Variants in MYLK observed in about 807,000 individuals in gnomAD.
MYLK encodes the protein myosin light chain kinase, smooth muscle.
In MYLK, 106 loss-of-function variants were observed where a neutral mutation model predicts 203.4. The ratio of observed to expected loss-of-function variants is 0.52; its 90% CI spans 0.45 to 0.61. MYLK has a LOEUF of 0.61. MYLK is among the 20% of genes least tolerant of loss of function. The pLI is 0.00. For missense variants in MYLK, 2,072 were observed against 2,442.3 expected (o/e 0.85, Z 3.20); for synonymous variants, 867 against 959.5 (o/e 0.90, Z 1.78).
rs545632574 is a variant in MYLK at position 123,725,850 on chromosome 3, A to G, written c.1651+94T>C. 139 of 1,527,304 alleles carry G rather than the reference A, an allele frequency of 9.1e-5. 1 individual carries two copies. In the African/African-American group the frequency reaches 1.5e-3, roughly 16 times the overall value. 94.6% of individuals were successfully genotyped at this position (1,527,304 alleles called of 1,614,324 possible). On this transcript the variant is annotated intron_variant, in intron 12 of 33. Coordinates refer to ENST00000360304, the MANE Select transcript of MYLK (RefSeq NM_053025.4). Reference sequence around the variant, plus strand: ...TCCTTCTCATACCACCAGGATGTCCAAGGCATAAATGGCTCAGAGGGATAA... The same window carrying G: ...TCCTTCTCATACCACCAGGATGTCCGAGGCATAAATGGCTCAGAGGGATAA...
intron 3 of MYLK, among the ~76,000 whole-genome samples, chr3:123,803,056 C>A (rs147023090): frequency 6.6e-6 from 1 of 152,300 alleles, no homozygotes; most frequent in East Asian, 1.9e-4. Context: ...CCTTAGCCCA[C>A]TGAAGCCCAG....
chr3:123,718,673 G>T (rs1204955926), intron 13 of MYLK, among the ~76,000 whole-genome samples: 8 of 152,098 alleles, frequency 5.3e-5, no homozygotes, highest in African/African-American at 1.7e-4. Context: ...CAGCACTAAA[G>T]ATACACCCTC....
At position 123,713,106 on chromosome 3, in the gene MYLK, T is replaced by C. The variant is rs114626423; in HGVS notation, c.1805-3213A>G. Among the ~76,000 whole-genome samples the C allele has an allele frequency of 3.6e-3, 547 of 152,152 alleles. 2 individuals are homozygous for C. The highest frequency in any genetic ancestry group is 6.1e-3 in the Non-Finnish European group (418 of 67,996). On this transcript the variant is annotated intron_variant, in intron 13 of 33. Transcript: ENST00000360304. Reference sequence around the variant, plus strand: ...GCACCCCCTCCAGGAGATGAGTGAGTGAACTTGGGGGAAACCGGCCGATCG... The same window carrying C: ...GCACCCCCTCCAGGAGATGAGTGAGCGAACTTGGGGGAAACCGGCCGATCG...
intron 4 of MYLK, among the ~76,000 whole-genome samples, chr3:123,766,206 T>C (rs1376127688): frequency 6.6e-6 from 1 of 152,240 alleles, no homozygotes; most frequent in Non-Finnish European, 1.5e-5. Context: ...TTATAATAAA[T>C]AAATCAGACC....
intron 7 of MYLK, among the ~76,000 whole-genome samples, chr3:123,737,870 G>A (rs2062732573): frequency 6.6e-6 from 1 of 152,064 alleles, no homozygotes; most frequent in South Asian, 2.1e-4. Context: ...TCTTTTCCTA[G>A]GGGAGTTCAA....
At chr3:123,699,367 C>T (rs1179429785) in intron 18 of MYLK, among the ~76,000 whole-genome samples, 1 of 152,154 alleles carries the variant, frequency 6.6e-6, no homozygotes, top group Non-Finnish European at 1.5e-5. Context: ...ATGTGAAATA[C>T]CAGCAAACAA....
intron 1 of MYLK, among the ~76,000 whole-genome samples, chr3:123,881,292 C>T (rs2033518280): frequency 6.6e-6 from 1 of 152,204 alleles, no homozygotes; most frequent in African/African-American, 2.4e-5. Flanking sequence ...CAGGCCTAAG[C>T]ATCCACATGG....
intron 2 of MYLK, among the ~76,000 whole-genome samples, chr3:123,840,031 T>TG (rs1342347957): frequency 6.6e-6 from 1 of 152,062 alleles, no homozygotes; most frequent in Non-Finnish European, 1.5e-5. Flanking sequence ...ATGTCAAATT[T>TG]GGGGGGATGC....
chr3:123,724,988 AC>A (rs557815046), intron 12 of MYLK, among the ~76,000 whole-genome samples: 70 of 152,104 alleles, frequency 4.6e-4, no homozygotes, highest in African/African-American at 1.3e-3. Context: ...CAGGTGATCC[AC>A]CCACCTCAGC....
intron 2 of MYLK, among the ~76,000 whole-genome samples, chr3:123,837,534 ATT>A (rs2066503224): frequency 6.8e-6 from 1 of 147,154 alleles, no homozygotes; most frequent in South Asian, 2.1e-4. Context: ...TATAATACAT[ATT>A]TTATATATAT....
At chr3:123,670,670 G>C (rs1426322157) in intron 20 of MYLK, among the ~76,000 whole-genome samples, 1 of 152,024 alleles carries the variant, frequency 6.6e-6, no homozygotes, top group African/African-American at 2.4e-5. Context: ...TTGAGCCCAG[G>C]AGTTCGAGGT....
At chr3:123,705,672 C>G (rs1350584671) in intron 16 of MYLK, among the ~76,000 whole-genome samples, 1 of 152,176 alleles carries the variant, frequency 6.6e-6, no homozygotes, top group Non-Finnish European at 1.5e-5. Flanking sequence ...TGCCGACCTC[C>G]TGGTGCACGC....
At chr3:123,787,582 T>C (rs544334650) in intron 4 of MYLK, among the ~76,000 whole-genome samples, 45 of 152,254 alleles carry the variant, frequency 3.0e-4, no homozygotes, top group Non-Finnish European at 5.6e-4. Context: ...AGGAACCAGA[T>C]GAGACATGTG....
intron 2 of MYLK, among the ~76,000 whole-genome samples, chr3:123,836,906 G>A (rs1381891266): frequency 6.6e-6 from 1 of 152,084 alleles, no homozygotes; most frequent in East Asian, 1.9e-4. Flanking sequence ...CAAAACACAT[G>A]GAAACATAAA....
At chr3:123,748,832 A>G (rs957301658) in intron 5 of MYLK, among the ~76,000 whole-genome samples, 5 of 152,156 alleles carry the variant, frequency 3.3e-5, no homozygotes, top group Admixed American at 3.3e-4. Context: ...GCATTCTGGG[A>G]GGCTGAGGTA....
In MYLK at chr3:123,707,822, C is replaced by T; in HGVS notation, c.2322G>A (p.Glu774=). Residue 774 remains glutamate (E), a synonymous_variant, in exon 16 of 34, where the codon GAG becomes GAA. Transcript: ENST00000360304. ...TCTTTAGAACCAGGGTGAACACGTC[C>T]TCATTCTGAAGCACCTCGAAGTGGC... ...DTGHFEVLQN[E]DVFTLVLKKV... is the part of the protein sequence containing the mutation. 6.2e-7 allele frequency: 1 copy of T among 1,614,248 alleles called. No homozygotes were observed.
chr3:123,630,741 A>AAGCTGTGAG (rs1330099397), intron 29 of MYLK: 1 of 152,264 alleles, frequency 6.6e-6, no homozygotes, highest in East Asian at 1.9e-4. Context: ...CTGCCTTACC[A>AAGCTGTGAG]AGCTGTGAGT....
At chr3:123,823,365 A>G (rs2066001680) in intron 3 of MYLK, among the ~76,000 whole-genome samples, 1 of 152,144 alleles carries the variant, frequency 6.6e-6, no homozygotes, top group African/African-American at 2.4e-5. Flanking sequence ...TTATCTAACA[A>G]GACATACAGG....
At chr3:123,702,715 G>A (rs820337) in intron 16 of MYLK, among the ~76,000 whole-genome samples, 121,601 of 152,192 alleles carry the variant, frequency 0.8, 52,791 homozygotes, top group Non-Finnish European at 0.98. Context: ...TAGTCCAGGC[G>A]CAGTGGTTCA....
Sources: allele counts gnomAD v4.1 joint callset (sites outside exome capture counted in the v4.1 genomes callset), GRCh38; gene constraint gnomAD v4.1.1; transcripts MANE v1.5; gene names NCBI Gene and HGNC (gene_info 2026-07-23, HGNC 2026-07-21).